CCDC73: variants seen among roughly 807,000 people sequenced by gnomAD.
The protein encoded by CCDC73 is coiled-coil domain containing 73.
In CCDC73, 95 loss-of-function variants were observed where a neutral mutation model predicts 116.5. The observed-to-expected ratio is 0.82, with a 90% CI of 0.69 to 0.97. The LOEUF (loss-of-function observed/expected upper bound fraction) is 0.97, where lower values mean the gene tolerates loss of function less well. CCDC73 is among the 50% of genes least tolerant of loss of function. The pLI, the probability that CCDC73 is intolerant of heterozygous loss-of-function variation, is 0.00. For synonymous variants in CCDC73, 398 were observed against 401.3 expected (o/e 0.99, Z 0.10); for missense variants, 1,066 against 1,206.8 (o/e 0.88, Z 1.73).
At chr11:32,648,257 AT>A (rs1186878026) in intron 12 of CCDC73, among the ~76,000 whole-genome samples, 1 of 152,132 alleles carries the variant, frequency 6.6e-6, no homozygotes, top group East Asian at 1.9e-4. Context: ...GTAAATTACC[AT>A]TGTCCATCTG....
chr11:32,798,245 A>G (rs994312156), upstream of CCDC73, among the ~76,000 whole-genome samples: 6 of 152,282 alleles, frequency 3.9e-5, no homozygotes, highest in Admixed American at 3.3e-4. Context: ...TAAGGTGCAC[A>G]AAGTGCATAG....
intron 2 of CCDC73, among the ~76,000 whole-genome samples, chr11:32,733,655 G>A (rs546711087): frequency 6.6e-6 from 1 of 152,288 alleles, no homozygotes; most frequent in South Asian, 2.1e-4. Context: ...TGAACAACCT[G>A]CTCCTGAATG....
chr11:32,821,064 T>C, the CCDC73 span, among the ~76,000 whole-genome samples: 1 of 152,196 alleles, frequency 6.6e-6, no homozygotes, highest in African/African-American at 2.4e-5. Context: ...TTTGATGAGG[T>C]CAAATTTATC....
intron 16 of CCDC73, among the ~76,000 whole-genome samples, chr11:32,611,813 TA>T (rs1565055617): frequency 6.6e-6 from 1 of 152,218 alleles, no homozygotes. Flanking sequence ...ACTGATGGCA[TA>T]TTTAAGAGTA....
chr11:32,607,792 A>G (rs1855374480), intron 17 of CCDC73, among the ~76,000 whole-genome samples: 2 of 140,766 alleles, frequency 1.4e-5, no homozygotes, highest in African/African-American at 2.7e-5. Flanking sequence ...CACGCCGCTA[A>G]TAAAGATACT....
intron 1 of CCDC73, among the ~76,000 whole-genome samples, chr11:32,785,826 C>A (rs1460134208): frequency 2.6e-5 from 4 of 151,710 alleles, no homozygotes; most frequent in East Asian, 1.9e-4. Flanking sequence ...GATTAAAATT[C>A]TCTCCTCTTA....
In CCDC73 at chr11:32,723,520, A is replaced by AAGTACC. The variant is rs530153995; in HGVS notation, c.136-5379_136-5374dup. ...ATTATCAGTTTGAAAAGGAATGTAC[A>AAGTACC]AGTACCCAGTTACAATTTTGGCTGC... On this transcript the variant is annotated intron_variant, in intron 2 of 17. Coordinates refer to ENST00000335185, the MANE Select transcript of CCDC73 (RefSeq NM_001008391.4). Among the ~76,000 whole-genome samples, 497 of 152,284 alleles carry AAGTACC rather than the reference A, an allele frequency of 3.3e-3. 1 individual carries two copies. Among genetic ancestry groups the AAGTACC allele is most frequent in the Non-Finnish European group, 5.7e-3 (387 of 68,024 alleles).
chr11:32,607,319 C>T (rs1855367208), intron 17 of CCDC73, among the ~76,000 whole-genome samples: 1 of 151,056 alleles, frequency 6.6e-6, no homozygotes, highest in African/African-American at 2.4e-5. Context: ...GTCTCGATCT[C>T]CTGACCTCGT....
At chr11:32,804,863 C>G in the CCDC73 span, among the ~76,000 whole-genome samples, 3 of 152,204 alleles carry the variant, frequency 2.0e-5, no homozygotes, top group African/African-American at 7.2e-5. Context: ...AGAGACTCCA[C>G]TAATGCCAAA....
intron 14 of CCDC73, among the ~76,000 whole-genome samples, chr11:32,631,493 C>G (rs868818517): frequency 6.6e-6 from 1 of 151,926 alleles, no homozygotes; most frequent in South Asian, 2.1e-4. Context: ...GGGTGATACT[C>G]AATACCCATG....
chr11:32,670,535 A>T (rs921919763), intron 9 of CCDC73, among the ~76,000 whole-genome samples: 47 of 152,070 alleles, frequency 3.1e-4, no homozygotes, highest in Non-Finnish European at 6.0e-4. Flanking sequence ...AAAAAAAAAA[A>T]AAATTATTGA....
chr11:32,754,639 G>A (rs1487371063), intron 2 of CCDC73, among the ~76,000 whole-genome samples: 2 of 151,888 alleles, frequency 1.3e-5, no homozygotes, highest in Admixed American at 6.6e-5. Context: ...ATTACCTAGA[G>A]GAAAAATTCA....
intron 3 of CCDC73, among the ~76,000 whole-genome samples, chr11:32,716,425 T>C (rs1160184748): frequency 2.0e-5 from 3 of 152,336 alleles, no homozygotes; most frequent in Non-Finnish European, 4.4e-5. Flanking sequence ...GACAGCTTTA[T>C]ATTATGTTTA....
chr11:32,741,155 A>T (rs1200974155), intron 2 of CCDC73, among the ~76,000 whole-genome samples: 7 of 152,176 alleles, frequency 4.6e-5, no homozygotes, highest in South Asian at 2.1e-4. Flanking sequence ...CAGCTATTGG[A>T]TGAAATGTTC....
In CCDC73 at chr11:32,743,846, T is replaced by C. The variant is rs370046880; in HGVS notation, c.135+16263A>G. Among the ~76,000 whole-genome samples the C allele has an allele frequency of 7.5e-3, 1,149 of 152,306 alleles. 12 individuals are homozygous for C. Among genetic ancestry groups the C allele is most frequent in the African/African-American group, 0.026 (1,066 of 41,570 alleles). On this transcript the variant is annotated intron_variant, in intron 2 of 17. Coordinates refer to ENST00000335185, the MANE Select transcript of CCDC73 (RefSeq NM_001008391.4). ...GTTTTCTAAATATACAATCATGTCA[T>C]CTGCAAACAGAGACAATTTGACTTC... is the stretch of plus-strand genomic sequence containing the variant.
At chr11:32,802,668 A>G in the CCDC73 span, among the ~76,000 whole-genome samples, 1 of 152,244 alleles carries the variant, frequency 6.6e-6, no homozygotes, top group Non-Finnish European at 1.5e-5. Context: ...AAGTGTGTGA[A>G]CCACTCACTA....
chr11:32,688,827 A>C (rs1856228395), intron 6 of CCDC73, among the ~76,000 whole-genome samples: 1 of 152,232 alleles, frequency 6.6e-6, no homozygotes, highest in African/African-American at 2.4e-5. Context: ...ATCAATAAAA[A>C]AAAGTTAACA....
chr11:32,786,272 T>A (rs1344902007), intron 1 of CCDC73, among the ~76,000 whole-genome samples: 6 of 150,498 alleles, frequency 4.0e-5, no homozygotes. Flanking sequence ...AAATAGTTAC[T>A]AATGAACTTT....
rs201286633 is a variant in CCDC73 at position 32,741,615 on chromosome 11, CT to C, written c.135+18493del. Among the ~76,000 whole-genome samples, 53 of 149,182 alleles carry C rather than the reference CT, an allele frequency of 3.6e-4. No individual in the cohort carries two copies. The Middle Eastern group carries it at 0.021, about 59-fold the overall frequency. On this transcript the variant is annotated intron_variant, in intron 2 of 17. Transcript: ENST00000335185. ...TCTTGTAGGTAACAGATTGTTGAGT[CT>C]TTTTTTTTAATCTATTCAGCCACGC...
Sources: gnomAD v4.1 joint callset for allele counts (sites outside exome capture counted in the v4.1 genomes callset) on GRCh38, gnomAD v4.1.1 for gene constraint, MANE v1.5 for transcripts, NCBI Gene and HGNC (gene_info 2026-07-23, HGNC 2026-07-21) for gene names.